The following NAV1 variants were observed in gnomAD, a reference collection of about 807,000 sequenced individuals.
NAV1 encodes neuron navigator 1.
NAV1 carries 18 observed loss-of-function variants against 175.2 expected under a neutral mutation model. The observed-to-expected ratio is 0.10, with a 90% CI of 0.07 to 0.15. NAV1 has a LOEUF of 0.15. NAV1 is among the 10% of genes least tolerant of loss of function. NAV1 has a pLI of 1.00. For synonymous variants in NAV1, 897 were observed against 978.7 expected (o/e 0.92, Z 1.56); for missense variants, 1,731 against 2,436.6 (o/e 0.71, Z 6.10).
rs1558073257 is a variant in NAV1, at chr1:201,694,445, T to TG, written c.758-18368dup. ...CTGGCTCATTAAAGATAGATGACCC[T>TG]GGGGAGGGTGAGGGCCGGGGTCACC... On this transcript the variant is annotated intron_variant, in intron 1 of 29. Transcript: ENST00000367296. This position sits in a 1 kb window ranked among gnomAD's most constrained non-coding sequence, Gnocchi z 4.2. Among the ~76,000 whole-genome samples the TG allele has an allele frequency of 6.6e-6, 1 of 152,046 alleles. No individual in the cohort carries two copies. The highest frequency in any genetic ancestry group is 6.5e-5 in the Admixed American group (1 of 15,278).
At chr1:201,651,450 GAGA>G (rs890143029) in intron 1 of NAV1, among the ~76,000 whole-genome samples, 10 of 152,110 alleles carry the variant, frequency 6.6e-5, no homozygotes, top group African/African-American at 2.4e-4. Flanking sequence ...GAGAGAGGAG[GAGA>G]AGCTGAGCTG....
At chr1:201,739,719 T>G (rs2102549139) in intron 3 of NAV1, 2 of 1,092,168 alleles carry the variant, frequency 1.8e-6, no homozygotes, top group African/African-American at 3.3e-5. Context: ...GGAGGAGGCT[T>G]CGGTGGCTCT....
chr1:201,819,453 G>A (rs1023982264), intron 29 of NAV1, among the ~76,000 whole-genome samples: 3 of 135,100 alleles, frequency 2.2e-5, no homozygotes, highest in Non-Finnish European at 4.7e-5. Flanking sequence ...CCATGATCTA[G>A]ATTTTTTTTT....
At chr1:201,802,573 G>T (rs961587338) in intron 15 of NAV1, among the ~76,000 whole-genome samples, 1 of 151,428 alleles carries the variant, frequency 6.6e-6, no homozygotes, top group African/African-American at 2.4e-5. Context: ...GAGGTCAGAA[G>T]TTCAAGACCA....
chr1:201,651,001 T>G (rs1558037988), intron 1 of NAV1, among the ~76,000 whole-genome samples: 1 of 151,736 alleles, frequency 6.6e-6, no homozygotes, highest in South Asian at 2.1e-4. Flanking sequence ...AGGGAAAAAA[T>G]TAATAAATTT....
rs563330858 is a variant in NAV1 at position 201,812,351 on chromosome 1, A to G, written c.5025-114A>G. Reference sequence around the variant, plus strand: ...TGTCCCCACTATTACTTGAAAAGAAACCAAGTAGGCATTAGTGAGAAGCAG... The same window carrying G: ...TGTCCCCACTATTACTTGAAAAGAAGCCAAGTAGGCATTAGTGAGAAGCAG... On this transcript the variant is annotated intron_variant, in intron 26 of 29. Transcript: ENST00000367296. The surrounding 1 kb of genome is among the most constrained non-coding windows in gnomAD (Gnocchi z 4.6). 7.5e-5 allele frequency: 79 copies of G among 1,054,168 alleles called. No homozygotes were observed. Among genetic ancestry groups the G allele is most frequent in the Non-Finnish European group, 1.1e-4 (76 of 715,730 alleles). The allele number at this position is 1,054,168 out of a possible 1,614,324, so 65.3% of individuals were successfully genotyped here.
exon 30 of NAV1, chr1:201,823,816 AG>A (rs1679521056): frequency 6.6e-6 from 1 of 152,184 alleles, no homozygotes. Flanking sequence ...CTCTGAAACA[AG>A]GGTCACACTA....
chr1:201,816,414 T>A (rs764658189), intron 28 of NAV1, among the ~76,000 whole-genome samples: 37 of 152,176 alleles, frequency 2.4e-4, no homozygotes, highest in Non-Finnish European at 7.3e-5. Context: ...TTAATTAGCT[T>A]GATTTAGCCA....
At chr1:201,639,685 C>A (rs517499) in intron 2 of NAV1, among the ~76,000 whole-genome samples, 76,265 of 151,616 alleles carry the variant, frequency 0.5, 19,633 homozygotes, top group Non-Finnish European at 0.57. Flanking sequence ...ACGTCTGGAA[C>A]AGGCCCTCCC....
chr1:201,664,603 A>G (rs957205440), intron 1 of NAV1, among the ~76,000 whole-genome samples: 1 of 152,232 alleles, frequency 6.6e-6, no homozygotes, highest in Non-Finnish European at 1.5e-5. Context: ...ATGTGGGTTT[A>G]TAGAGGAAGG....
intron 3 of NAV1, among the ~76,000 whole-genome samples, chr1:201,764,187 G>T (rs1055571083): frequency 4.6e-5 from 7 of 152,198 alleles, no homozygotes; most frequent in Non-Finnish European, 7.3e-5. Flanking sequence ...TAGTTCAATG[G>T]GGGATATTGA....
chr1:201,692,343 G>C (rs182695867), intron 1 of NAV1, among the ~76,000 whole-genome samples: 1 of 152,202 alleles, frequency 6.6e-6, no homozygotes, highest in African/African-American at 2.4e-5. Flanking sequence ...ACTGAAAGTA[G>C]GGTGCTCAGG....
intron 3 of NAV1, among the ~76,000 whole-genome samples, chr1:201,722,909 C>T (rs543510922): frequency 2.8e-4 from 42 of 152,310 alleles, no homozygotes; most frequent in African/African-American, 8.4e-4. Flanking sequence ...AGTTGGAGAC[C>T]AGTCCGGCCA....
At chr1:201,546,807 G>C (rs1019276907) in intron 1 of NAV1, among the ~76,000 whole-genome samples, 1 of 151,344 alleles carries the variant, frequency 6.6e-6, no homozygotes, top group Non-Finnish European at 1.5e-5. Flanking sequence ...AGGGGGCTGA[G>C]GCAGGAGAAT....
chr1:201,794,654 A>G (rs1455369473), intron 15 of NAV1, 77 bp downstream of exon 19: 1 of 1,274,810 alleles, frequency 7.8e-7, no homozygotes, highest in South Asian at 1.2e-5. Context: ...ATCTGGGCCC[A>G]TAGTATTCCA....
chr1:201,794,542 A>G (rs773874534), exon 15 of NAV1: 1 of 1,613,998 alleles, frequency 6.2e-7, no homozygotes, highest in Non-Finnish European at 8.5e-7. Flanking sequence ...GCAGTCATTC[A>G]GGGAGCCCTT....
At chr1:201,549,383 A>AT (rs1665778525) in intron 1 of NAV1, among the ~76,000 whole-genome samples, 2 of 151,710 alleles carry the variant, frequency 1.3e-5, no homozygotes, top group African/African-American at 4.8e-5. Flanking sequence ...TAAATTTTGC[A>AT]TTTTTTGTAG....
intron 1 of NAV1, among the ~76,000 whole-genome samples, chr1:201,546,953 T>G (rs1284320224): frequency 6.6e-6 from 1 of 151,318 alleles, no homozygotes; most frequent in Non-Finnish European, 1.5e-5. Flanking sequence ...ACTTAACCCT[T>G]CAACACTTAA....
chr1:201,579,299 T>G (rs1287750942), intron 1 of NAV1, among the ~76,000 whole-genome samples: 1 of 152,156 alleles, frequency 6.6e-6, no homozygotes, highest in Non-Finnish European at 1.5e-5. Context: ...AACAAACAAA[T>G]GAACTCAGAG....
Sources: allele counts gnomAD v4.1 joint callset (sites outside exome capture counted in the v4.1 genomes callset), GRCh38; gene constraint gnomAD v4.1.1; non-coding constraint Gnocchi (gnomAD v3.1); transcripts MANE v1.5; gene names NCBI Gene and HGNC (gene_info 2026-07-23, HGNC 2026-07-21).